The following GPATCH2 variants were observed in gnomAD, a reference collection of about 807,000 sequenced individuals.
GPATCH2 encodes G-patch domain containing 2.
Under a neutral mutation model 58.0 loss-of-function variants are expected in GPATCH2, and 51 were observed. The observed-to-expected ratio is 0.88, with a 90% CI of 0.70 to 1.11. The LOEUF (loss-of-function observed/expected upper bound fraction) is 1.11. Ranked by LOEUF, GPATCH2 falls within the 50% of genes most tolerant of loss-of-function variation. GPATCH2 has a pLI of 0.00. For missense variants in GPATCH2, 625 were observed against 652.2 expected (o/e 0.96, Z 0.45); for synonymous variants, 222 against 218.5 (o/e 1.02, Z -0.14).
chr1:217,524,345 C>T (rs891187609), intron 5 of GPATCH2, among the ~76,000 whole-genome samples: 3 of 150,510 alleles, frequency 2.0e-5, no homozygotes, highest in African/African-American at 7.4e-5. Flanking sequence ...GATGGGATGG[C>T]GGCTGGGCAG....
At chr1:217,562,150 G>C (rs964395727) in intron 5 of GPATCH2, among the ~76,000 whole-genome samples, 3 of 152,130 alleles carry the variant, frequency 2.0e-5, no homozygotes, top group Admixed American at 6.5e-5. Context: ...TTGGGGAGGA[G>C]ACAAGTGGCT....
At chr1:217,540,917 G>T (rs1399258877) in intron 5 of GPATCH2, among the ~76,000 whole-genome samples, 1 of 152,136 alleles carries the variant, frequency 6.6e-6, no homozygotes, top group Non-Finnish European at 1.5e-5. Context: ...ACGGCATTGT[G>T]CACAAATTTA....
chr1:217,605,687 C>G (rs936615680), intron 5 of GPATCH2, among the ~76,000 whole-genome samples: 2 of 151,982 alleles, frequency 1.3e-5, no homozygotes, highest in Non-Finnish European at 2.9e-5. Context: ...TAATTCAAAT[C>G]AAAAAAGAAT....
chr1:217,455,931 G>A (rs1329798833), intron 8 of GPATCH2, among the ~76,000 whole-genome samples: 1 of 152,004 alleles, frequency 6.6e-6, no homozygotes, highest in Non-Finnish European at 1.5e-5. Flanking sequence ...GCATCTGAAC[G>A]TCAAGAAGAA....
intron 7 of GPATCH2, among the ~76,000 whole-genome samples, chr1:217,496,401 C>G (rs114344973): frequency 6.6e-6 from 1 of 152,126 alleles, no homozygotes. Context: ...ATAGTATAAA[C>G]AAGTGTATTT....
At chr1:217,526,206 G>T (rs1663897815) in intron 5 of GPATCH2, among the ~76,000 whole-genome samples, 1 of 152,150 alleles carries the variant, frequency 6.6e-6, no homozygotes, top group Non-Finnish European at 1.5e-5. Flanking sequence ...GAAAAATGCT[G>T]ATAGTCTCAA....
At chr1:217,555,287 C>G (rs780711583) in intron 5 of GPATCH2, among the ~76,000 whole-genome samples, 2 of 152,112 alleles carry the variant, frequency 1.3e-5, no homozygotes, top group Non-Finnish European at 1.5e-5. Context: ...TCCTCAGAGT[C>G]TAATGATGTT....
rs1036072448 is a variant in GPATCH2 at position 217,431,000 on chromosome 1, T to C, written c.*145A>G. Reference sequence around the variant, plus strand: ...TGATGAAATCCCATTTCTCTCACTATGGCAGGACTGTATGCAGTAAGGAAG... The same window carrying C: ...TGATGAAATCCCATTTCTCTCACTACGGCAGGACTGTATGCAGTAAGGAAG... On this transcript the variant is annotated 3_prime_UTR_variant, in exon 10 of 10. Coordinates refer to ENST00000366935, the MANE Select transcript of GPATCH2 (RefSeq NM_018040.5). 2 of 647,750 alleles carry C rather than the reference T, an allele frequency of 3.1e-6. No homozygotes were observed. Among genetic ancestry groups the C allele is most frequent in the Admixed American group, 2.6e-5 (1 of 38,724 alleles). The allele number at this position is 647,750 out of a possible 1,614,324, so 40.1% of individuals were successfully genotyped here.
intron 6 of GPATCH2, among the ~76,000 whole-genome samples, chr1:217,514,196 A>G (rs1663007827): frequency 6.7e-6 from 1 of 148,164 alleles, no homozygotes; most frequent in African/African-American, 2.5e-5. Flanking sequence ...GTCTCACTCT[A>G]CTGCCCAGGC....
chr1:217,567,045 GCTTTTTTT>G (rs1666276867), intron 5 of GPATCH2, among the ~76,000 whole-genome samples: 1 of 140,752 alleles, frequency 7.1e-6, no homozygotes, highest in Non-Finnish European at 1.5e-5. Flanking sequence ...ATAACTTCTG[GCTTTTTTT>G]TTTTTTTTTT....
rs143958410 is a variant in GPATCH2 at position 217,479,380 on chromosome 1, T to C, written c.1277+12300A>G. The stretch of plus-strand genomic sequence containing the variant: ...TAACAGAAAGTTAAAAAGTAGAGAA[T>C]GAGGTTGAGGCATAGTTTTTAATTA... On this transcript the variant is annotated intron_variant, in intron 8 of 9. Coordinates refer to ENST00000366935, the MANE Select transcript of GPATCH2 (RefSeq NM_018040.5). Among the ~76,000 whole-genome samples, 918 of 152,276 alleles carry C rather than the reference T, an allele frequency of 6.0e-3. 3 individuals are homozygous for C. The highest frequency in any genetic ancestry group is 8.0e-3 in the Non-Finnish European group (542 of 67,996).
intron 8 of GPATCH2, among the ~76,000 whole-genome samples, chr1:217,485,503 C>T (rs1166662904): frequency 1.3e-5 from 2 of 148,190 alleles, no homozygotes; most frequent in Non-Finnish European, 3.0e-5. Flanking sequence ...TGATCCAGTA[C>T]TATTTGTTGA....
rs1293813759 is a variant in GPATCH2, at chr1:217,429,842, A to G, written c.*1303T>C. 1.3e-5 allele frequency: 2 copies of G among 151,544 alleles called. No homozygotes were observed. Among genetic ancestry groups the G allele is most frequent in the African/African-American group, 4.8e-5 (2 of 41,280 alleles). The allele number at this position is 151,544 out of a possible 1,614,324, so 9.4% of individuals were successfully genotyped here. A position where few individuals can be genotyped will look rare whatever the true frequency, so the allele number is the denominator to read the frequency against. On this transcript the variant is annotated 3_prime_UTR_variant, in exon 10 of 10. Coordinates refer to ENST00000366935, the MANE Select transcript of GPATCH2 (RefSeq NM_018040.5). ...GACTCTGTCAAAAAAAAAAAAAAAA[A>G]AAAAGAAACAAAAAAACTCTTTTGG...
At chr1:217,469,991 A>G (rs1405162344) in intron 8 of GPATCH2, among the ~76,000 whole-genome samples, 1 of 152,208 alleles carries the variant, frequency 6.6e-6, no homozygotes, top group Non-Finnish European at 1.5e-5. Context: ...TTGGATTAAC[A>G]GATCCCCAAA....
chr1:217,454,890 T>C (rs904291417), intron 8 of GPATCH2, among the ~76,000 whole-genome samples: 1 of 152,074 alleles, frequency 6.6e-6, no homozygotes, highest in African/African-American at 2.4e-5. Context: ...CACCTCTGCC[T>C]CCCAAAGTGC....
At chr1:217,438,436 C>A (rs1446359372) in intron 9 of GPATCH2, among the ~76,000 whole-genome samples, 1 of 152,034 alleles carries the variant, frequency 6.6e-6, no homozygotes, top group Non-Finnish European at 1.5e-5. Flanking sequence ...CTCCTACAAG[C>A]TAAAGGAGCA....
At chr1:217,611,292 T>A (rs1668615002) in intron 3 of GPATCH2, among the ~76,000 whole-genome samples, 1 of 152,190 alleles carries the variant, frequency 6.6e-6, no homozygotes, top group Non-Finnish European at 1.5e-5. Flanking sequence ...AATTATGTGT[T>A]ATTTACCTAC....
rs1669737963 is a variant in GPATCH2, at chr1:217,631,044, T to C, written c.-73A>G. ...CTCCAACTACAACAGCACCGGCGACTTCCAAAGAGCAGTTCAGCATTTTGA... is the reference window on the plus strand; with the variant it reads ...CTCCAACTACAACAGCACCGGCGACCTCCAAAGAGCAGTTCAGCATTTTGA... On this transcript the variant is annotated 5_prime_UTR_variant, in exon 1 of 10. Coordinates refer to ENST00000366935, the MANE Select transcript of GPATCH2 (RefSeq NM_018040.5). The C allele has an allele frequency of 1.4e-6, 2 of 1,392,948 alleles. No individual in the cohort carries two copies. Among genetic ancestry groups the C allele is most frequent in the Non-Finnish European group, 2.0e-6 (2 of 1,015,580 alleles). 86.3% of individuals were successfully genotyped at this position (1,392,948 alleles called of 1,614,324 possible).
At chr1:217,464,003 A>G (rs1174810633) in intron 8 of GPATCH2, among the ~76,000 whole-genome samples, 2 of 152,122 alleles carry the variant, frequency 1.3e-5, no homozygotes, top group African/African-American at 4.8e-5. Context: ...GGACTGCATG[A>G]AACATCATTT....
Sources: gnomAD v4.1 joint callset for allele counts (sites outside exome capture counted in the v4.1 genomes callset) on GRCh38, gnomAD v4.1.1 for gene constraint, MANE v1.5 for transcripts, NCBI Gene and HGNC (gene_info 2026-07-23, HGNC 2026-07-21) for gene names.